Variants in INPP4B observed in about 807,000 individuals in gnomAD.
The protein encoded by INPP4B is inositol polyphosphate-4-phosphatase type II B, also known as inositol polyphosphate 4-phosphatase type II.
Under a neutral mutation model 122.5 loss-of-function variants are expected in INPP4B, and 55 were observed. The observed-to-expected ratio is 0.45, with a 90% CI of 0.36 to 0.56. The LOEUF (loss-of-function observed/expected upper bound fraction) is 0.56, where lower values mean the gene tolerates loss of function less well. Ranked by LOEUF, INPP4B falls within the 20% of genes least tolerant of loss-of-function variation. The pLI is 0.00. For missense variants in INPP4B, 1,000 were observed against 1,097.7 expected, an observed-to-expected ratio of 0.91 and a Z score of 1.26; for synonymous variants, 403 against 388.7, an observed-to-expected ratio of 1.04 and a Z score of -0.43.
intron 17 of INPP4B, 102 bp downstream of exon 17, chr4:142,160,255 CT>C (rs1021403790): frequency 2.1e-5 from 18 of 869,120 alleles, no homozygotes; most frequent in African/African-American, 8.4e-5. Flanking sequence ...AGTGTTATAA[CT>C]TTTTTTCCAT....
intron 2 of INPP4B, among the ~76,000 whole-genome samples, chr4:142,633,335 A>G (rs1380316848): frequency 1.3e-5 from 2 of 152,146 alleles, no homozygotes; most frequent in South Asian, 2.1e-4. Context: ...AAACAAATAG[A>G]CCAAATAAAT....
At chr4:142,445,449 T>G (rs1439788218) in intron 3 of INPP4B, among the ~76,000 whole-genome samples, 1 of 152,168 alleles carries the variant, frequency 6.6e-6, no homozygotes, top group Non-Finnish European at 1.5e-5. Flanking sequence ...AAAATAGATT[T>G]CACATTAAGG....
At chr4:142,063,941 G>C (rs1208579254) in intron 25 of INPP4B, among the ~76,000 whole-genome samples, 1 of 152,138 alleles carries the variant, frequency 6.6e-6, no homozygotes, top group Non-Finnish European at 1.5e-5. Context: ...AACCTCTGTG[G>C]TGAAATTTTA....
chr4:142,707,428 T>C (rs1262728360), intron 2 of INPP4B, among the ~76,000 whole-genome samples: 2 of 152,206 alleles, frequency 1.3e-5, no homozygotes, highest in Admixed American at 1.3e-4. Flanking sequence ...CCACTTATGT[T>C]GAATTGTAAT....
At chr4:142,584,570 C>A (rs1363830203) in intron 2 of INPP4B, among the ~76,000 whole-genome samples, 1 of 152,032 alleles carries the variant, frequency 6.6e-6, no homozygotes, top group Non-Finnish European at 1.5e-5. Flanking sequence ...ATAATTAAAC[C>A]AGGATTTGGG....
chr4:142,728,947 A>AT (rs746565142), intron 1 of INPP4B, among the ~76,000 whole-genome samples: 2 of 67,656 alleles, frequency 3.0e-5, no homozygotes, highest in Non-Finnish European at 6.2e-5. Context: ...CTTAGAACTT[A>AT]TTAAAAAAAA....
intron 25 of INPP4B, among the ~76,000 whole-genome samples, chr4:142,078,562 C>T (rs114224277): frequency 0.012 from 1,885 of 152,072 alleles, 40 homozygotes; most frequent in African/African-American, 0.042. Context: ...AAACGAAAAT[C>T]TCTACCTTCA....
intron 2 of INPP4B, among the ~76,000 whole-genome samples, chr4:142,598,744 T>C (rs1739246699): frequency 6.6e-6 from 1 of 152,176 alleles, no homozygotes; most frequent in Admixed American, 6.5e-5. Flanking sequence ...TGCTTGGCCT[T>C]GTAAGCAGAG....
intron 2 of INPP4B, among the ~76,000 whole-genome samples, chr4:142,633,781 G>A (rs1748502854): frequency 6.6e-6 from 1 of 152,054 alleles, no homozygotes; most frequent in Admixed American, 6.6e-5. Flanking sequence ...TAAAAACTTG[G>A]AGAGAATGAT....
At chr4:142,305,975 T>C (rs962894405) in intron 8 of INPP4B, 2 of 948,346 alleles carry the variant, frequency 2.1e-6, no homozygotes, top group Non-Finnish European at 1.3e-6. Flanking sequence ...GCTATTTTTA[T>C]GTGGGACTTT....
intron 17 of INPP4B, among the ~76,000 whole-genome samples, chr4:142,149,063 T>C (rs1812340531): frequency 6.6e-6 from 1 of 152,228 alleles, no homozygotes; most frequent in Non-Finnish European, 1.5e-5. Context: ...GCCTTGCTGG[T>C]CATGGCCTCC....
At chr4:142,173,603 C>T in intron 16 of INPP4B, 29 bp downstream of exon 16, 1 of 1,578,866 alleles carries the variant, frequency 6.3e-7, no homozygotes, top group Non-Finnish European at 8.6e-7. Context: ...ATTTCATTTT[C>T]CCAACTATAG....
chr4:142,343,484 TA>T (rs11316953), intron 7 of INPP4B, among the ~76,000 whole-genome samples: 43,574 of 148,320 alleles, frequency 0.29, 7,371 homozygotes, highest in Non-Finnish European at 0.39. Flanking sequence ...TGTTAAGGCT[TA>T]AAAAAAAAAA....
At chr4:142,037,744 C>A (rs17015287) in intron 25 of INPP4B, among the ~76,000 whole-genome samples, 3 of 152,088 alleles carry the variant, frequency 2.0e-5, no homozygotes, top group African/African-American at 4.8e-5. Flanking sequence ...TAGAGTACCA[C>A]GTTTCAGGCC....
intron 2 of INPP4B, among the ~76,000 whole-genome samples, chr4:142,715,884 A>G (rs1763692607): frequency 6.6e-6 from 1 of 152,124 alleles, no homozygotes; most frequent in Non-Finnish European, 1.5e-5. Context: ...AGATTTGTTT[A>G]TTTACATGGT....
chr4:142,420,926 A>T (rs1444188351), intron 5 of INPP4B, among the ~76,000 whole-genome samples: 1 of 152,186 alleles, frequency 6.6e-6, no homozygotes, highest in Non-Finnish European at 1.5e-5. Flanking sequence ...TCAAGGAAGT[A>T]TTAATCATAA....
At chr4:142,360,753 G>T (rs1295646883) in intron 7 of INPP4B, among the ~76,000 whole-genome samples, 1 of 151,842 alleles carries the variant, frequency 6.6e-6, no homozygotes, top group Non-Finnish European at 1.5e-5. Flanking sequence ...ATGATGGAAT[G>T]CCATTTAATT....
rs1745377412 is a variant in INPP4B at position 142,270,771 on chromosome 4, A to C, written c.507T>G (p.Thr169=). The stretch of plus-strand genomic sequence containing the variant: ...TGCCAACCACTTTGCCACCATCTGA[A>C]GTTCTGCAACAAAAAATACACGAAA... The part of the protein sequence containing the change: ...KEQLLVLSLR[T]SDGGKVVGTI... Residue 169 remains threonine, a synonymous_variant, in exon 10 of 26, where the codon ACT becomes ACG. Transcript: ENST00000262992. The C allele has an allele frequency of 6.2e-7, 1 of 1,606,696 alleles. No individual in the cohort carries two copies. The highest frequency in any genetic ancestry group is 1.7e-5 in the Admixed American group (1 of 59,950).
At chr4:142,063,552 A>G (rs1208393185) in intron 25 of INPP4B, among the ~76,000 whole-genome samples, 1 of 152,220 alleles carries the variant, frequency 6.6e-6, no homozygotes, top group Non-Finnish European at 1.5e-5. Context: ...TTGACAAAAC[A>G]TGCTAATACC....
Sources: gnomAD v4.1 joint callset for allele counts (sites outside exome capture counted in the v4.1 genomes callset) on GRCh38, gnomAD v4.1.1 for gene constraint, MANE v1.5 for transcripts, NCBI Gene and HGNC (gene_info 2026-07-23, HGNC 2026-07-21) for gene names.